Variants in KAT6B observed in about 807,000 individuals in gnomAD.
The protein encoded by KAT6B is lysine acetyltransferase 6B.
A neutral mutation model predicts 187.5 loss-of-function variants in KAT6B; 10 were observed. That is an observed-to-expected ratio of 0.05 (90% CI 0.03 to 0.09). The LOEUF (loss-of-function observed/expected upper bound fraction) is 0.09, where lower values mean the gene tolerates loss of function less well. KAT6B is among the 10% of genes least tolerant of loss of function. The pLI, the probability that KAT6B is intolerant of heterozygous loss-of-function variation, is 1.00. For missense variants in KAT6B, 1,952 were observed against 2,558.9 expected, an observed-to-expected ratio of 0.76 and a Z score of 5.12; for synonymous variants, 861 against 926.8, an observed-to-expected ratio of 0.93 and a Z score of 1.29.
intron 3 of KAT6B, among the ~76,000 whole-genome samples, chr10:74,932,830 A>G (rs1001406718): frequency 7.9e-5 from 12 of 152,072 alleles, no homozygotes; most frequent in Non-Finnish European, 1.6e-4. Flanking sequence ...TCCTCCAGGA[A>G]CTCCTGGATC....
At chr10:74,967,521 G>T (rs909750311) in intron 4 of KAT6B, among the ~76,000 whole-genome samples, 1 of 152,148 alleles carries the variant, frequency 6.6e-6, no homozygotes, top group Non-Finnish European at 1.5e-5. Flanking sequence ...AAATAAAATG[G>T]AAATATTTCT....
chr10:74,937,391 A>AT (rs1254259181), intron 3 of KAT6B, among the ~76,000 whole-genome samples: 5 of 152,238 alleles, frequency 3.3e-5, no homozygotes, highest in African/African-American at 1.2e-4. Flanking sequence ...GCCAGCCTTC[A>AT]TTACCCAAAG....
intron 3 of KAT6B, among the ~76,000 whole-genome samples, chr10:74,897,308 C>T (rs1013056602): frequency 6.6e-6 from 1 of 152,170 alleles, no homozygotes; most frequent in Admixed American, 6.5e-5. Context: ...ACCACCTCTT[C>T]CTCTCCCCCG....
chr10:74,827,291 A>C (rs1349673427), intron 1 of KAT6B: 1 of 153,124 alleles, frequency 6.5e-6, no homozygotes, highest in African/African-American at 2.4e-5. Flanking sequence ...ACCGAAGGCG[A>C]GATTGCAGTT....
chr10:74,881,700 C>G (rs1589539794), intron 3 of KAT6B, among the ~76,000 whole-genome samples: 1 of 152,278 alleles, frequency 6.6e-6, no homozygotes, highest in Middle Eastern at 3.4e-3. Flanking sequence ...GTTGCCCAGG[C>G]TGGAGTGCAG....
At chr10:74,838,164 TG>T (rs1212542379) in intron 1 of KAT6B, among the ~76,000 whole-genome samples, 1 of 152,336 alleles carries the variant, frequency 6.6e-6, no homozygotes, top group Non-Finnish European at 1.5e-5. Flanking sequence ...TTATGTAAAC[TG>T]GTACGTTTTT....
chr10:74,938,349 A>G (rs554498369), intron 3 of KAT6B, among the ~76,000 whole-genome samples: 498 of 152,224 alleles, frequency 3.3e-3, no homozygotes, highest in Admixed American at 7.1e-3. Flanking sequence ...CCCACCCCCC[A>G]GCTATCCCCC....
Position 75,025,211 on chromosome 10 carries a change from A to G in KAT6B, c.3626A>G (p.Lys1209Arg). ...KKRQTEEEEG[K>R]DNHCFKNADP... Reference sequence around the variant, plus strand: ...AGACAAACAGAGGAAGAGGAAGGAAAAGACAATCATTGCTTCAAGAATGCT... The same window carrying G: ...AGACAAACAGAGGAAGAGGAAGGAAGAGACAATCATTGCTTCAAGAATGCT... The change falls in exon 17 of 18, where the codon AAA becomes AGA. Residue 1209 changes from lysine to arginine, a missense_variant. Lys to Arg is a conservative substitution (Grantham distance 26, BLOSUM62 2). Coordinates refer to ENST00000287239, the MANE Select transcript of KAT6B (RefSeq NM_012330.4). 1 of 1,614,242 alleles carries G rather than the reference A, an allele frequency of 6.2e-7. No individual in the cohort carries two copies.
intron 3 of KAT6B, among the ~76,000 whole-genome samples, chr10:74,942,513 C>G (rs1470196072): frequency 1.3e-5 from 2 of 151,996 alleles, no homozygotes; most frequent in Admixed American, 6.5e-5. Flanking sequence ...TACTTGTAAT[C>G]CCAGCACTTT....
intron 17 of KAT6B, among the ~76,000 whole-genome samples, chr10:75,027,610 G>C (rs1414212061): frequency 6.6e-6 from 1 of 151,562 alleles, no homozygotes; most frequent in Admixed American, 6.6e-5. Context: ...TATGTATATA[G>C]CTATTCATCT....
intron 1 of KAT6B, among the ~76,000 whole-genome samples, chr10:74,832,924 A>G (rs1840972767): frequency 6.6e-6 from 1 of 151,588 alleles, no homozygotes; most frequent in South Asian, 2.1e-4. Flanking sequence ...GGAGCTCGAG[A>G]CCAGCCTGGC....
At chr10:74,921,686 C>T (rs143895761) in intron 3 of KAT6B, among the ~76,000 whole-genome samples, 13 of 152,354 alleles carry the variant, frequency 8.5e-5, no homozygotes, top group Non-Finnish European at 1.8e-4. Flanking sequence ...GCTAGGACTG[C>T]AAGACCCTTA....
At chr10:74,930,014 G>T (rs1223479546) in intron 3 of KAT6B, among the ~76,000 whole-genome samples, 2 of 151,426 alleles carry the variant, frequency 1.3e-5, no homozygotes, top group African/African-American at 2.4e-5. Context: ...CTACCTCCTG[G>T]GTTCAAGCGA....
At position 74,843,485 on chromosome 10, in the gene KAT6B, G is replaced by A. The variant is rs377304308; in HGVS notation, c.621+7G>A. ...ACCCCATGAGAAAGACCAGGTAAGCGAAGGAGTAATGTTCGTGCATTCTCA... is the reference window on the plus strand; with the variant it reads ...ACCCCATGAGAAAGACCAGGTAAGCAAAGGAGTAATGTTCGTGCATTCTCA... On this transcript the variant is annotated splice_region_variant and intron_variant, in intron 3 of 17. Transcript: ENST00000287239. 28 of 1,612,872 alleles carry A rather than the reference G, an allele frequency of 1.7e-5. No homozygotes were observed. The African/African-American group carries it at 2.9e-4, about 17-fold the overall frequency.
intron 3 of KAT6B, among the ~76,000 whole-genome samples, chr10:74,926,713 A>G (rs1234228141): frequency 6.6e-6 from 1 of 152,188 alleles, no homozygotes; most frequent in African/African-American, 2.4e-5. Context: ...GCAAGGACCA[A>G]ATTACGTCTG....
At chr10:74,990,065 C>T (rs577943165) in intron 13 of KAT6B, among the ~76,000 whole-genome samples, 1 of 151,800 alleles carries the variant, frequency 6.6e-6, no homozygotes, top group South Asian at 2.1e-4. Context: ...TGTGGTGGCA[C>T]ACACCTGTAC....
intron 3 of KAT6B, among the ~76,000 whole-genome samples, chr10:74,909,120 T>G (rs1847008273): frequency 6.6e-6 from 1 of 152,216 alleles, no homozygotes; most frequent in Non-Finnish European, 1.5e-5. Context: ...ACACCTGTAA[T>G]CCCAGCACGA....
rs200211738 is a variant in KAT6B, at chr10:74,981,350, T to C, written c.2232-437T>C. Among the ~76,000 whole-genome samples the C allele has an allele frequency of 2.8e-3, 345 of 123,518 alleles. 3 individuals carry two copies. The highest frequency in any genetic ancestry group is 0.012 in the African/African-American group (331 of 26,726). 81.0% of individuals were successfully genotyped at this position (123,518 alleles called of 152,430 possible). A position where few individuals can be genotyped will look rare whatever the true frequency, so the allele number is the denominator to read the frequency against. ...TCCTTCCTTCCTTCCTTTCTTCCTT[T>C]CTTTCCTTTCTTTCCTTTCTTTCCT... On this transcript the variant is annotated intron_variant, in intron 10 of 17. Transcript: ENST00000287239.
chr10:74,953,981 A>G (rs944824761), intron 3 of KAT6B, among the ~76,000 whole-genome samples: 1 of 152,196 alleles, frequency 6.6e-6, no homozygotes, highest in African/African-American at 2.4e-5. Context: ...GGTCTTGAAG[A>G]CTCTTAAAAT....
Sources: allele counts gnomAD v4.1 joint callset (sites outside exome capture counted in the v4.1 genomes callset), GRCh38; gene constraint gnomAD v4.1.1; transcripts MANE v1.5; gene names NCBI Gene and HGNC (gene_info 2026-07-23, HGNC 2026-07-21).